Variants in SELENOF observed in about 807,000 individuals in gnomAD.
The protein encoded by SELENOF is 15 kDa selenoprotein.
Under a neutral mutation model 20.5 loss-of-function variants are expected in SELENOF, and 16 were observed. The ratio of observed to expected loss-of-function variants is 0.78; its 90% CI spans 0.53 to 1.19. SELENOF has a LOEUF of 1.19. SELENOF is among the 50% of genes most tolerant of loss of function. The pLI, the probability that SELENOF is intolerant of heterozygous loss-of-function variation, is 0.00. For synonymous variants in SELENOF, 78 were observed against 74.5 expected (o/e 1.05, Z -0.24); for missense variants, 215 against 194.2 (o/e 1.11, Z -0.64).
intron 2 of SELENOF, among the ~76,000 whole-genome samples, chr1:86,881,512 T>C (rs1659069392): frequency 6.6e-6 from 1 of 152,206 alleles, no homozygotes; most frequent in African/African-American, 2.4e-5. Context: ...AGGCTGGCAA[T>C]TTTAAGAACG....
chr1:86,896,413 T>G (rs185269578), intron 2 of SELENOF, among the ~76,000 whole-genome samples: 35 of 152,288 alleles, frequency 2.3e-4, no homozygotes, highest in Admixed American at 1.1e-3. Flanking sequence ...TTTGCAAGAT[T>G]ATAAAAAGAT....
At chr1:86,885,970 G>T (rs1659205180) in intron 2 of SELENOF, among the ~76,000 whole-genome samples, 1 of 152,178 alleles carries the variant, frequency 6.6e-6, no homozygotes, top group African/African-American at 2.4e-5. Flanking sequence ...TATTGGTTAA[G>T]TTCAAGTTGT....
At chr1:86,870,928 AT>A (rs397861089) in intron 3 of SELENOF, among the ~76,000 whole-genome samples, 81 of 147,792 alleles carry the variant, frequency 5.5e-4, no homozygotes, top group Non-Finnish European at 5.1e-4. Context: ...CAGTAAAAAG[AT>A]TTTTTTTTTT....
chr1:86,866,364 C>G (rs72945867), intron 4 of SELENOF, among the ~76,000 whole-genome samples: 93 of 148,312 alleles, frequency 6.3e-4, no homozygotes, highest in African/African-American at 2.2e-3. Flanking sequence ...AGGACAAATA[C>G]TATATGATTC....
chr1:86,914,081 A>T lies in SELENOF; in HGVS notation c.31T>A (p.Cys11Ser). Reference protein sequence around the residue: MVAMAAGPSGCLVPAFGLRLL... With the variant: MVAMAAGPSGSLVPAFGLRLL... ...CGTAGCCCAAACGCCGGCACCAGACACCCACTCGGCCCAGCCGCCATCGCT... is the reference window on the plus strand; with the variant it reads ...CGTAGCCCAAACGCCGGCACCAGACTCCCACTCGGCCCAGCCGCCATCGCT... The change falls in exon 1 of 5, where the codon TGT becomes AGT. Residue 11 changes from cysteine (C) to serine (S), a missense_variant. Transcript: ENST00000331835. 6.2e-7 allele frequency: 1 copy of T among 1,613,728 alleles called. No homozygotes were observed.
intron 4 of SELENOF, among the ~76,000 whole-genome samples, chr1:86,866,995 T>C (rs1658616531): frequency 6.6e-6 from 1 of 152,184 alleles, no homozygotes; most frequent in South Asian, 2.1e-4. Context: ...ACACAGAAAT[T>C]ACACAAAAAT....
At chr1:86,913,216 T>G (rs1451340552) in intron 1 of SELENOF, among the ~76,000 whole-genome samples, 1 of 152,096 alleles carries the variant, frequency 6.6e-6, no homozygotes, top group African/African-American at 2.4e-5. Flanking sequence ...GTCTCCTTAT[T>G]AGAGACTACC....
At chr1:86,868,616 G>C (rs1265556944) in intron 3 of SELENOF, among the ~76,000 whole-genome samples, 1 of 151,950 alleles carries the variant, frequency 6.6e-6, no homozygotes, top group Non-Finnish European at 1.5e-5. Flanking sequence ...GTGTGTATGA[G>C]TTACTCAATA....
intron 2 of SELENOF, among the ~76,000 whole-genome samples, chr1:86,900,547 A>G (rs1659672066): frequency 6.6e-6 from 1 of 152,122 alleles, no homozygotes; most frequent in African/African-American, 2.4e-5. Context: ...AGTACAGTCC[A>G]GCTTCGGCTC....
intron 2 of SELENOF, among the ~76,000 whole-genome samples, chr1:86,895,951 G>T (rs1457521142): frequency 6.6e-6 from 1 of 152,226 alleles, no homozygotes; most frequent in Non-Finnish European, 1.5e-5. Context: ...ATATAGGCCA[G>T]GCGCGGTGGC....
chr1:86,891,495 T>G (rs957295496), intron 2 of SELENOF, among the ~76,000 whole-genome samples: 1 of 152,248 alleles, frequency 6.6e-6, no homozygotes, highest in Non-Finnish European at 1.5e-5. Context: ...TAAGGCAGTT[T>G]GAATTACTTT....
Position 86,903,284 on chromosome 1 carries a change from T to C in SELENOF, c.249A>G (p.Lys83=). 1 of 1,610,058 alleles carries C rather than the reference T, an allele frequency of 6.2e-7. No individual in the cohort carries two copies. Among genetic ancestry groups the C allele is most frequent in the Non-Finnish European group, 8.5e-7 (1 of 1,178,274 alleles). ...GGAATATACTAGAAAACAGTACCTT[T>C]TTGGTTTCAAATTGTGCTTCCTCCT... ...CCQEEAQFET[K]KLYAGAILEV... is the part of the protein sequence containing the mutation. Residue 83 remains lysine, a synonymous_variant, in exon 2 of 5, where the codon AAA becomes AAG. Coordinates refer to ENST00000331835, the MANE Select transcript of SELENOF (RefSeq NM_004261.5).
At chr1:86,887,748 G>A (rs1345429317) in intron 2 of SELENOF, among the ~76,000 whole-genome samples, 1 of 152,078 alleles carries the variant, frequency 6.6e-6, no homozygotes, top group East Asian at 1.9e-4. Flanking sequence ...AGACTGTAAT[G>A]ATGAGACTCT....
In SELENOF at chr1:86,902,302, G is replaced by A. The variant is rs187562494; in HGVS notation, c.252+979C>T. Reference sequence around the variant, plus strand: ...GTAAGGCTTTGCAAGCCATTTTTGAGATACTTGGAATTTCAGGTTCAGATA... The same window carrying A: ...GTAAGGCTTTGCAAGCCATTTTTGAAATACTTGGAATTTCAGGTTCAGATA... On this transcript the variant is annotated intron_variant, in intron 2 of 4. Transcript: ENST00000331835. 3.9e-5 allele frequency among the ~76,000 whole-genome samples: 6 copies of A among 152,264 alleles called. No homozygotes were observed. The South Asian group carries it at 8.3e-4, about 21-fold the overall frequency.
intron 4 of SELENOF, among the ~76,000 whole-genome samples, chr1:86,864,802 TTTTGTA>T (rs1249956953): frequency 6.6e-6 from 1 of 151,724 alleles, no homozygotes; most frequent in African/African-American, 2.4e-5. Context: ...ACACCCGGCA[TTTTGTA>T]TTTTTAGTAG....
At chr1:86,903,751 C>T (rs918491839) in intron 1 of SELENOF, among the ~76,000 whole-genome samples, 1 of 152,146 alleles carries the variant, frequency 6.6e-6, no homozygotes, top group African/African-American at 2.4e-5. Context: ...CATGCCACCA[C>T]GCCCAGCTAA....
At chr1:86,903,692 T>C (rs775739816) in intron 1 of SELENOF, among the ~76,000 whole-genome samples, 2 of 152,180 alleles carry the variant, frequency 1.3e-5, no homozygotes, top group Non-Finnish European at 2.9e-5. Flanking sequence ...CCACCTGGGT[T>C]CAAGTGATTC....
chr1:86,880,836 C>A (rs1057291359), intron 2 of SELENOF, 111 bp from the exon 3 acceptor site: 2 of 634,710 alleles, frequency 3.2e-6, no homozygotes, highest in East Asian at 3.4e-5. Flanking sequence ...ATATATAGAT[C>A]AAAGAAATGT....
chr1:86,903,873 C>T (rs546449513), intron 1 of SELENOF, among the ~76,000 whole-genome samples: 182 of 152,298 alleles, frequency 1.2e-3, no homozygotes, highest in Middle Eastern at 6.8e-3. Flanking sequence ...AGCCACCTCG[C>T]CCAGCAATAA....
Sources: gnomAD v4.1 joint callset for allele counts (sites outside exome capture counted in the v4.1 genomes callset) on GRCh38, gnomAD v4.1.1 for gene constraint, MANE v1.5 for transcripts, NCBI Gene and HGNC (gene_info 2026-07-23, HGNC 2026-07-21) for gene names.